The following TAFA1 variants were observed in gnomAD, a reference collection of about 807,000 sequenced individuals.
TAFA1 encodes TAFA chemokine like family member 1.
Under a neutral mutation model 18.5 loss-of-function variants are expected in TAFA1, and 4 were observed. That is an observed-to-expected ratio of 0.22 (90% CI 0.11 to 0.49). The LOEUF (loss-of-function observed/expected upper bound fraction) is 0.49, where lower values mean the gene tolerates loss of function less well. Ranked by LOEUF, TAFA1 falls within the 20% of genes least tolerant of loss-of-function variation. The pLI is 0.98. For missense variants in TAFA1, 147 were observed against 169.0 expected, an observed-to-expected ratio of 0.87 and a Z score of 0.72; for synonymous variants, 56 against 55.2, an observed-to-expected ratio of 1.01 and a Z score of -0.06.
At chr3:68,134,777 C>G (rs371001750) in intron 2 of TAFA1, among the ~76,000 whole-genome samples, 12 of 152,154 alleles carry the variant, frequency 7.9e-5, no homozygotes, top group East Asian at 5.8e-4. Flanking sequence ...GGTCTCTAGC[C>G]TCCAGGAGGT....
At chr3:68,206,326 G>A (rs896129304) in intron 2 of TAFA1, among the ~76,000 whole-genome samples, 1 of 151,762 alleles carries the variant, frequency 6.6e-6, no homozygotes, top group Non-Finnish European at 1.5e-5. Context: ...ACAGATAATA[G>A]CATGTTGACA....
chr3:68,178,384 G>T (rs1223006870), intron 2 of TAFA1, among the ~76,000 whole-genome samples: 1 of 152,156 alleles, frequency 6.6e-6, no homozygotes, highest in East Asian at 1.9e-4. Flanking sequence ...ATTTAATATT[G>T]TAGTGGAAGG....
At position 68,150,592 on chromosome 3, in the gene TAFA1, A is replaced by G. The variant is rs1232534148; in HGVS notation, c.118+143848A>G. On this transcript the variant is annotated intron_variant, in intron 2 of 4. Transcript: ENST00000478136. ...CTAGTGGGTTCTTGCTGCTTCACCA[A>G]GAGGAGTGTTAACCAAGGCCTCATC... 2.0e-5 allele frequency among the ~76,000 whole-genome samples: 3 copies of G among 152,226 alleles called. No homozygotes were observed. In the East Asian group the frequency reaches 5.8e-4, roughly 29 times the overall value.
intron 2 of TAFA1, among the ~76,000 whole-genome samples, chr3:68,297,357 A>C (rs970712899): frequency 1.1e-4 from 17 of 152,310 alleles, no homozygotes; most frequent in South Asian, 4.1e-4. Context: ...AGCATGGAAC[A>C]TTCCTAAGTC....
chr3:68,144,619 G>T (rs1272111015), intron 2 of TAFA1, among the ~76,000 whole-genome samples: 1 of 152,170 alleles, frequency 6.6e-6, no homozygotes, highest in Non-Finnish European at 1.5e-5. Context: ...CTTATGTAGG[G>T]TTTATTTAAA....
At chr3:68,186,721 A>G (rs527633353) in intron 2 of TAFA1, among the ~76,000 whole-genome samples, 1 of 151,692 alleles carries the variant, frequency 6.6e-6, no homozygotes, top group Admixed American at 6.6e-5. Flanking sequence ...TTCCTCCCCA[A>G]CTCCCTCTCA....
In TAFA1 at chr3:68,062,360, C is replaced by T. The variant is rs150867394; in HGVS notation, c.118+55616C>T. Among the ~76,000 whole-genome samples, 510 of 152,210 alleles carry T rather than the reference C, an allele frequency of 3.4e-3. 5 individuals carry two copies. Among genetic ancestry groups the T allele is most frequent in the African/African-American group, 0.012 (494 of 41,530 alleles). ...TCAGGCCCAATATTGTGATCCTAGG[C>T]AAATCTTTCAAAGAGATGCCACAAA... is the stretch of plus-strand genomic sequence containing the variant. On this transcript the variant is annotated intron_variant, in intron 2 of 4. Transcript: ENST00000478136.
At chr3:68,477,984 A>T (rs1858242) in intron 3 of TAFA1, among the ~76,000 whole-genome samples, 1 of 151,706 alleles carries the variant, frequency 6.6e-6, no homozygotes, top group African/African-American at 2.4e-5. Flanking sequence ...TCCCCTATTC[A>T]TGAGAGATTT....
At chr3:68,268,175 A>G (rs1181380760) in intron 2 of TAFA1, among the ~76,000 whole-genome samples, 1 of 152,150 alleles carries the variant, frequency 6.6e-6, no homozygotes, top group Non-Finnish European at 1.5e-5. Context: ...TTTGACTGCC[A>G]TTCTGAGTCC....
intron 2 of TAFA1, among the ~76,000 whole-genome samples, chr3:68,102,096 G>A (rs1559520842): frequency 6.6e-6 from 1 of 152,114 alleles, no homozygotes; most frequent in Non-Finnish European, 1.5e-5. Context: ...TAGAGTAGCT[G>A]ATACCTTTTT....
chr3:68,063,327 CATCTT>C (rs755701982), intron 2 of TAFA1, among the ~76,000 whole-genome samples: 1 of 152,122 alleles, frequency 6.6e-6, no homozygotes, highest in African/African-American at 2.4e-5. Flanking sequence ...CGGTGGGTCT[CATCTT>C]AGAGAACGTT....
chr3:68,181,696 A>G (rs1327058768), intron 2 of TAFA1, among the ~76,000 whole-genome samples: 1 of 152,194 alleles, frequency 6.6e-6, no homozygotes, highest in East Asian at 1.9e-4. Context: ...GATCAAGACA[A>G]GTTCCCAGAA....
chr3:68,219,739 C>T (rs2066706890), intron 2 of TAFA1, among the ~76,000 whole-genome samples: 1 of 152,098 alleles, frequency 6.6e-6, no homozygotes. Context: ...GTAACCTAAT[C>T]AAGGGAATGA....
intron 3 of TAFA1, among the ~76,000 whole-genome samples, chr3:68,511,056 T>G (rs1297205366): frequency 6.6e-6 from 1 of 152,178 alleles, no homozygotes; most frequent in African/African-American, 2.4e-5. Context: ...GAGTATACAT[T>G]AAAGAGACTC....
intron 2 of TAFA1, among the ~76,000 whole-genome samples, chr3:68,274,922 C>T (rs1190172741): frequency 6.6e-6 from 1 of 151,982 alleles, no homozygotes; most frequent in Non-Finnish European, 1.5e-5. Context: ...GTTGTTGTTG[C>T]AAAATTAACA....
chr3:68,539,142 C>G (rs965405350), intron 4 of TAFA1, among the ~76,000 whole-genome samples: 17 of 152,200 alleles, frequency 1.1e-4, no homozygotes, highest in Admixed American at 1.0e-3. Flanking sequence ...GGAGAGGAAT[C>G]ATGAGGTAAT....
chr3:68,434,604 C>T (rs1027917577), intron 3 of TAFA1, among the ~76,000 whole-genome samples: 2 of 151,942 alleles, frequency 1.3e-5, no homozygotes, highest in Non-Finnish European at 2.9e-5. Context: ...TTCTAATATT[C>T]CTGGAAGGCA....
intron 2 of TAFA1, among the ~76,000 whole-genome samples, chr3:68,303,976 G>C (rs895914057): frequency 1.3e-5 from 2 of 152,150 alleles, no homozygotes; most frequent in African/African-American, 4.8e-5. Context: ...TACAGTGCTT[G>C]CTTAACAAAA....
At chr3:68,226,774 C>T (rs1044905899) in intron 2 of TAFA1, among the ~76,000 whole-genome samples, 2 of 152,170 alleles carry the variant, frequency 1.3e-5, no homozygotes, top group Non-Finnish European at 1.5e-5. Flanking sequence ...TGATTTGGCT[C>T]AAGACAGAGA....
Sources: allele counts gnomAD v4.1 joint callset (sites outside exome capture counted in the v4.1 genomes callset), GRCh38; gene constraint gnomAD v4.1.1; transcripts MANE v1.5; gene names NCBI Gene and HGNC (gene_info 2026-07-23, HGNC 2026-07-21).